Variants in NALCN observed in about 807,000 individuals in gnomAD.
NALCN encodes the protein sodium leak channel NALCN.
Under a neutral mutation model 225.3 loss-of-function variants are expected in NALCN, and 111 were observed. That is an observed-to-expected ratio of 0.49 (90% confidence interval 0.42 to 0.58). The LOEUF is 0.58. NALCN is among the 20% of genes least tolerant of loss of function. The probability of loss-of-function intolerance (pLI) is 0.00; values close to 1 mark genes in which losing one functional copy is unlikely to be tolerated. For missense variants in NALCN, 1,378 were observed against 2,202.4 expected, an observed-to-expected ratio of 0.63 and a Z score of 7.49; for synonymous variants, 764 against 769.0, an observed-to-expected ratio of 0.99 and a Z score of 0.11.
intron 13 of NALCN, among the ~76,000 whole-genome samples, chr13:101,201,094 T>C (rs1158545104): frequency 6.6e-6 from 1 of 152,166 alleles, no homozygotes; most frequent in Non-Finnish European, 1.5e-5. Context: ...ACAATAAACC[T>C]GTAACTCTAA....
chr13:101,342,889 T>C (rs2045601501), intron 7 of NALCN, among the ~76,000 whole-genome samples: 1 of 152,194 alleles, frequency 6.6e-6, no homozygotes, highest in Non-Finnish European at 1.5e-5. Context: ...TAAATCTTAA[T>C]GAGACATAAA....
At chr13:101,284,065 A>G (rs767979092) in intron 9 of NALCN, 46 bp from the exon 10 acceptor site, 1 of 1,501,910 alleles carries the variant, frequency 6.7e-7, no homozygotes, top group Non-Finnish European at 9.2e-7. Context: ...TTAATATGGA[A>G]CATTGAGAAC....
At chr13:101,128,449 CT>C (rs2036348699) in intron 17 of NALCN, among the ~76,000 whole-genome samples, 1 of 152,154 alleles carries the variant, frequency 6.6e-6, no homozygotes, top group African/African-American at 2.4e-5. Flanking sequence ...ATGTATGAAT[CT>C]TGCTGATTTT....
intron 18 of NALCN, 57 bp from the exon 19 acceptor site, chr13:101,111,283 A>G: frequency 7.2e-7 from 1 of 1,396,238 alleles, no homozygotes; most frequent in South Asian, 1.3e-5. Flanking sequence ...TGAGATGAAT[A>G]ACACATAAGT....
chr13:101,106,066 G>T (rs1470150977), intron 22 of NALCN, among the ~76,000 whole-genome samples: 1 of 152,200 alleles, frequency 6.6e-6, no homozygotes, highest in East Asian at 1.9e-4. Flanking sequence ...GATGCCAGCT[G>T]AGTTGGTTCT....
intron 13 of NALCN, among the ~76,000 whole-genome samples, chr13:101,208,212 C>T (rs1016487631): frequency 2.0e-5 from 3 of 152,100 alleles, no homozygotes; most frequent in African/African-American, 7.2e-5. Context: ...AAAGAACTCC[C>T]GACGGGAGGA....
intron 11 of NALCN, among the ~76,000 whole-genome samples, chr13:101,249,890 C>T (rs1039080501): frequency 3.3e-5 from 5 of 151,748 alleles, no homozygotes; most frequent in African/African-American, 9.7e-5. Flanking sequence ...GACCCACACC[C>T]GGATAATAAA....
At chr13:101,152,039 T>A (rs2037675592) in intron 15 of NALCN, among the ~76,000 whole-genome samples, 1 of 152,276 alleles carries the variant, frequency 6.6e-6, no homozygotes, top group South Asian at 2.1e-4. Context: ...CATGTTTAAG[T>A]CACTAATTTT....
chr13:101,251,859 G>C (rs2042072468), intron 11 of NALCN, among the ~76,000 whole-genome samples: 1 of 152,092 alleles, frequency 6.6e-6, no homozygotes, highest in South Asian at 2.1e-4. Context: ...CAGCGAACTA[G>C]CACCTTGGCA....
At chr13:101,366,752 C>G (rs921066588) in intron 6 of NALCN, among the ~76,000 whole-genome samples, 23 of 152,158 alleles carry the variant, frequency 1.5e-4, no homozygotes, top group Non-Finnish European at 3.1e-4. Flanking sequence ...ATATATCCAT[C>G]ATATCACTTA....
chr13:101,141,910 T>C (rs982616516), intron 17 of NALCN, among the ~76,000 whole-genome samples: 1 of 152,196 alleles, frequency 6.6e-6, no homozygotes, highest in African/African-American at 2.4e-5. Context: ...AGTGGAATAC[T>C]TGCAAGTGAA....
At chr13:101,140,523 G>A (rs1389507101) in intron 17 of NALCN, among the ~76,000 whole-genome samples, 1 of 152,174 alleles carries the variant, frequency 6.6e-6, no homozygotes, top group Non-Finnish European at 1.5e-5. Flanking sequence ...TCCTCTTCCT[G>A]GAGATAAGTG....
At chr13:101,144,309 C>T (rs2037234931) in intron 16 of NALCN, among the ~76,000 whole-genome samples, 1 of 152,180 alleles carries the variant, frequency 6.6e-6, no homozygotes, top group South Asian at 2.1e-4. Flanking sequence ...ATGGTAGGCT[C>T]CATAAACACT....
At chr13:101,414,666 CT>C (rs1229858735) in intron 1 of NALCN, among the ~76,000 whole-genome samples, 4 of 152,152 alleles carry the variant, frequency 2.6e-5, no homozygotes, top group Admixed American at 1.3e-4. Flanking sequence ...TTTGAGTAGA[CT>C]TTTTTTAAGT....
chr13:101,055,520 G>A (rs952466796), intron 43 of NALCN, 32 bp from the exon 44 acceptor site: 1 of 1,588,988 alleles, frequency 6.3e-7, no homozygotes. Context: ...TGAGCCACTT[G>A]GTATTGCTTC....
At chr13:101,095,552 TA>T (rs772776228) in intron 28 of NALCN, 21 bp downstream of exon 28, 39 of 1,573,584 alleles carry the variant, frequency 2.5e-5, no homozygotes, top group Admixed American at 1.0e-4. Flanking sequence ...TTCTTCAGAA[TA>T]TTTTTTTATG....
At chr13:101,305,604 C>T (rs924565571) in intron 7 of NALCN, among the ~76,000 whole-genome samples, 121 of 152,292 alleles carry the variant, frequency 7.9e-4, no homozygotes, top group African/African-American at 2.5e-3. Flanking sequence ...CTTATTTGCA[C>T]GACAAATTCA....
chr13:101,279,110 A>C (rs2043061973), intron 10 of NALCN, among the ~76,000 whole-genome samples: 1 of 139,740 alleles, frequency 7.2e-6, no homozygotes, highest in African/African-American at 2.5e-5. Context: ...AGAAGCAGAC[A>C]TCAACAACTA....
intron 34 of NALCN, among the ~76,000 whole-genome samples, chr13:101,079,194 A>C (rs1316500368): frequency 6.6e-6 from 1 of 152,166 alleles, no homozygotes; most frequent in African/African-American, 2.4e-5. Flanking sequence ...GACTAATACA[A>C]ATTTTATCTG....
Sources: allele counts gnomAD v4.1 joint callset (sites outside exome capture counted in the v4.1 genomes callset), GRCh38; gene constraint gnomAD v4.1.1; transcripts MANE v1.5; gene names NCBI Gene and HGNC (gene_info 2026-07-23, HGNC 2026-07-21).